PNLIPRP3: variants seen among roughly 807,000 people sequenced by gnomAD.
The protein encoded by PNLIPRP3 is pancreatic lipase related protein 3, also known as pancreatic lipase-related protein 3.
PNLIPRP3 carries 58 observed loss-of-function variants against 52.8 expected under a neutral mutation model. That is an observed-to-expected ratio of 1.10 (90% confidence interval 0.89 to 1.37). The LOEUF is 1.37. Among genes scored for constraint, PNLIPRP3 ranks in the 40% most tolerant of loss-of-function variants. PNLIPRP3 has a pLI of 0.00. For missense variants in PNLIPRP3, 593 were observed against 561.6 expected, an observed-to-expected ratio of 1.06 and a Z score of -0.57; for synonymous variants, 192 against 185.0, an observed-to-expected ratio of 1.04 and a Z score of -0.31.
At chr10:116,464,497 C>A (rs987546491) in intron 7 of PNLIPRP3, among the ~76,000 whole-genome samples, 3 of 152,188 alleles carry the variant, frequency 2.0e-5, no homozygotes, top group African/African-American at 4.8e-5. Flanking sequence ...ACCTGGATCT[C>A]ACACCTGCCA....
rs541067550 is a variant in PNLIPRP3, at chr10:116,431,104, C to T, written c.49+3043C>T. 3.3e-5 allele frequency among the ~76,000 whole-genome samples: 5 copies of T among 152,284 alleles called. No homozygotes were observed. The East Asian group carries it at 7.7e-4, about 23-fold the overall frequency. The stretch of plus-strand genomic sequence containing the variant: ...TCATACCTCACTGCCAATCAGTCAG[C>T]ACAACTCTTTGGATCCTCCCTCAAA... On this transcript the variant is annotated intron_variant, in intron 1 of 11. Transcript: ENST00000369230.
intron 2 of PNLIPRP3, chr10:116,439,380 C>A (rs1845824905): frequency 1.9e-6 from 1 of 517,344 alleles, no homozygotes; most frequent in Admixed American, 2.6e-5. Flanking sequence ...GCAACAGACA[C>A]TTCTCAGATA....
chr10:116,432,106 T>C (rs1347985002), intron 1 of PNLIPRP3, among the ~76,000 whole-genome samples: 10 of 152,126 alleles, frequency 6.6e-5, no homozygotes, highest in Non-Finnish European at 1.5e-4. Context: ...ATCCCCTAAC[T>C]AGATTATATA....
intron 1 of PNLIPRP3, among the ~76,000 whole-genome samples, chr10:116,432,499 G>A (rs1845720236): frequency 6.6e-6 from 1 of 152,148 alleles, no homozygotes. Flanking sequence ...AAGTAAAGGT[G>A]AAGAAAGCAT....
chr10:116,435,785 C>T (rs538903870), intron 1 of PNLIPRP3, among the ~76,000 whole-genome samples: 4 of 152,098 alleles, frequency 2.6e-5, no homozygotes, highest in Non-Finnish European at 5.9e-5. Flanking sequence ...TTGCTTTTTG[C>T]TATTAAGTTG....
chr10:116,469,724 G>A (rs1003421953), intron 9 of PNLIPRP3, among the ~76,000 whole-genome samples: 13 of 152,138 alleles, frequency 8.5e-5, no homozygotes, highest in African/African-American at 2.9e-4. Context: ...GGATTGTAGA[G>A]ACTGGGAGGA....
chr10:116,440,219 GATCCTTTT>G (rs1845837627), intron 2 of PNLIPRP3, among the ~76,000 whole-genome samples: 1 of 152,084 alleles, frequency 6.6e-6, no homozygotes, highest in South Asian at 2.1e-4. Context: ...CAGGCTCATT[GATCCTTTT>G]ATCCTTTTAT....
At chr10:116,439,798 C>A in intron 2 of PNLIPRP3, 3 of 774,792 alleles carry the variant, frequency 3.9e-6, no homozygotes, top group South Asian at 1.3e-5. Flanking sequence ...CTTCTTGCCT[C>A]CCTTAGCTGG....
intron 10 of PNLIPRP3, among the ~76,000 whole-genome samples, chr10:116,473,773 G>A (rs564996642): frequency 3.3e-5 from 5 of 151,890 alleles, no homozygotes; most frequent in East Asian, 1.9e-4. Flanking sequence ...CACCCACTTC[G>A]GCCTCCCAAA....
chr10:116,454,099 G>A (rs1174209642), intron 4 of PNLIPRP3, among the ~76,000 whole-genome samples: 2 of 152,100 alleles, frequency 1.3e-5, no homozygotes, highest in Non-Finnish European at 2.9e-5. Context: ...CTGTGTCCCT[G>A]CAAAGGACAT....
chr10:116,477,015 C>CG, intron 11 of PNLIPRP3, 75 bp from the exon 12 acceptor site: 2 of 1,297,748 alleles, frequency 1.5e-6, no homozygotes, highest in Non-Finnish European at 2.2e-6. Flanking sequence ...CTCATTAAAT[C>CG]GGGGGATCTA....
chr10:116,476,843 A>C (rs2133164897), intron 11 of PNLIPRP3, 24 bp downstream of exon 11: 1 of 1,540,432 alleles, frequency 6.5e-7, no homozygotes, highest in Middle Eastern at 2.0e-4. Context: ...TTTCCTTTTC[A>C]TTTTCGTAGT....
rs1846479762 is a variant in PNLIPRP3, at chr10:116,476,956, GT to G, written c.1341-132del. The G allele has an allele frequency of 4.2e-6, 5 of 1,200,284 alleles. No homozygotes were observed. In the South Asian group the frequency reaches 8.0e-5, roughly 19 times the overall value. The allele number at this position is 1,200,284 out of a possible 1,614,324, so 74.4% of individuals were successfully genotyped here. On this transcript the variant is annotated intron_variant, in intron 11 of 11. Coordinates refer to ENST00000369230, the MANE Select transcript of PNLIPRP3 (RefSeq NM_001011709.3). The stretch of plus-strand genomic sequence containing the variant: ...ATTTTGCAATTAAAGAAAGGGAAAA[GT>G]TAAGAAACCAATGCTATATGTGCAG...
At position 116,443,801 on chromosome 10, in the gene PNLIPRP3, G is replaced by GTATA. The variant is rs1845898955; in HGVS notation, c.325-581_325-580insTATA. 4.6e-3 allele frequency among the ~76,000 whole-genome samples: 51 copies of GTATA among 11,150 alleles called. 1 individual carries two copies. The highest frequency in any genetic ancestry group is 6.8e-3 in the African/African-American group (35 of 5,140). 7.3% of individuals were successfully genotyped at this position (11,150 alleles called of 152,430 possible). On this transcript the variant is annotated intron_variant, in intron 3 of 11. Transcript: ENST00000369230. ...TGTGTGTGTGTATGTATGTGTGTGT[G>GTATA]CATATATATATATATATATATATAT... is the stretch of plus-strand genomic sequence containing the variant.
At chr10:116,474,904 T>C (rs188096130) in intron 10 of PNLIPRP3, among the ~76,000 whole-genome samples, 24 of 152,252 alleles carry the variant, frequency 1.6e-4, no homozygotes, top group Admixed American at 8.5e-4. Context: ...AAGACAGAAA[T>C]ATCATTTGAC....
intron 1 of PNLIPRP3, among the ~76,000 whole-genome samples, chr10:116,433,610 C>G (rs1039386766): frequency 2.6e-5 from 4 of 151,532 alleles, no homozygotes; most frequent in Admixed American, 2.0e-4. Flanking sequence ...CATATTGACT[C>G]TCCATCCCTT....
intron 1 of PNLIPRP3, among the ~76,000 whole-genome samples, chr10:116,428,433 G>A (rs890427873): frequency 6.6e-6 from 1 of 152,110 alleles, no homozygotes; most frequent in Non-Finnish European, 1.5e-5. Flanking sequence ...TCATTTCTAA[G>A]AAGGGTACAT....
At chr10:116,473,948 CAAAAAA>C (rs771490177) in intron 10 of PNLIPRP3, among the ~76,000 whole-genome samples, 3 of 103,278 alleles carry the variant, frequency 2.9e-5, no homozygotes, top group African/African-American at 7.3e-5. Flanking sequence ...CATATGGAAC[CAAAAAA>C]AAAAAAAAAA....
chr10:116,441,102 A>C (rs904409237), intron 2 of PNLIPRP3, among the ~76,000 whole-genome samples: 2 of 152,110 alleles, frequency 1.3e-5, no homozygotes, highest in African/African-American at 4.8e-5. Flanking sequence ...TTTTGATCCC[A>C]TGATGGTGTA....
Sources: allele counts gnomAD v4.1 joint callset (sites outside exome capture counted in the v4.1 genomes callset), GRCh38; gene constraint gnomAD v4.1.1; transcripts MANE v1.5; gene names NCBI Gene and HGNC (gene_info 2026-07-23, HGNC 2026-07-21).